SPTA1: variants seen among roughly 807,000 people sequenced by gnomAD.
SPTA1 encodes the protein spectrin alpha chain, erythrocytic 1.
A neutral mutation model predicts 324.7 loss-of-function variants in SPTA1; 177 were observed. The observed-to-expected ratio is 0.55, with a 90% CI of 0.48 to 0.62. SPTA1 has a LOEUF of 0.62. SPTA1 is among the 20% of genes least tolerant of loss of function. The pLI is 0.00. For missense variants in SPTA1, 3,162 were observed against 2,883.6 expected (o/e 1.10, Z -2.21); for synonymous variants, 1,195 against 1,041.3 (o/e 1.15, Z -2.84).
chr1:158,624,768 A>C (rs774681804), intron 42 of SPTA1, among the ~76,000 whole-genome samples: 5 of 152,234 alleles, frequency 3.3e-5, no homozygotes, highest in Non-Finnish European at 5.9e-5. Flanking sequence ...TATAGGGCAC[A>C]AGTCTAGAAG....
Position 158,668,026 on chromosome 1 carries a change from G to C in SPTA1, c.1870C>G (p.Gln624Glu), listed in dbSNP as rs756701645. Reference sequence around the variant, plus strand: ...ACTGCCAACTCCTTTTCAAAGACTTGCTGCTTTTGAACCCTGCTCTTCAAG... The same window carrying C: ...ACTGCCAACTCCTTTTCAAAGACTTCCTGCTTTTGAACCCTGCTCTTCAAG... ...QNLKSRVQKQ[Q>E]VFEKELAVNK... Residue 624 changes from glutamine (Q) to glutamate (E), a missense_variant, in exon 15 of 52, where the codon CAA becomes GAA. Physicochemically the swap from Gln to Glu is conservative, Grantham distance 29. Coordinates refer to ENST00000643759, the MANE Select transcript of SPTA1 (RefSeq NM_003126.4). 3.7e-6 allele frequency: 6 copies of C among 1,611,648 alleles called. No individual in the cohort carries two copies. Among genetic ancestry groups the C allele is most frequent in the East Asian group, 4.5e-5 (2 of 44,798 alleles).
chr1:158,614,367 C>A (rs920057416), intron 48 of SPTA1, 61 bp from the exon 49 acceptor site: 3 of 1,169,266 alleles, frequency 2.6e-6, no homozygotes. Flanking sequence ...TAGCAGAACA[C>A]AAGCCACATG....
At chr1:158,670,058 T>C (rs187264785) in intron 12 of SPTA1, among the ~76,000 whole-genome samples, 92 of 152,350 alleles carry the variant, frequency 6.0e-4, no homozygotes, top group Admixed American at 1.3e-3. Flanking sequence ...ATGATTGATT[T>C]ATTCTTGTCT....
At chr1:158,620,626 T>G (rs965907772) in intron 43 of SPTA1, 160 bp from the exon 44 acceptor site, 20 of 823,274 alleles carry the variant, frequency 2.4e-5, no homozygotes, top group Non-Finnish European at 3.7e-6. Flanking sequence ...CTTTGATGGT[T>G]GAACATGTGA....
intron 17 of SPTA1, among the ~76,000 whole-genome samples, 159 bp downstream of exon 17, chr1:158,662,543 T>A (rs952615921): frequency 2.0e-5 from 3 of 152,222 alleles, no homozygotes; most frequent in African/African-American, 7.2e-5. Context: ...GTATAATTTT[T>A]AAAAATATTT....
chr1:158,657,287 G>A (rs536227957), intron 19 of SPTA1, among the ~76,000 whole-genome samples, 190 bp downstream of exon 19: 3 of 152,300 alleles, frequency 2.0e-5, no homozygotes, highest in Non-Finnish European at 4.4e-5. Context: ...TGAGAAAAAT[G>A]TAGCATATCT....
At chr1:158,672,037 T>C in intron 11 of SPTA1, 22 bp downstream of exon 11, 4 of 1,613,544 alleles carry the variant, frequency 2.5e-6, no homozygotes, top group Non-Finnish European at 2.5e-6. Context: ...CTTCTAGAGA[T>C]GGTATGGACC....
chr1:158,669,671 T>C, intron 13 of SPTA1, 38 bp downstream of exon 13: 2 of 1,614,014 alleles, frequency 1.2e-6, no homozygotes, highest in Non-Finnish European at 1.7e-6. Context: ...TTGATTCTAG[T>C]GTGTAGGCAC....
At chr1:158,639,384 T>C in intron 35 of SPTA1, 198 bp downstream of exon 35, 1 of 624,888 alleles carries the variant, frequency 1.6e-6, no homozygotes, top group South Asian at 1.9e-5. Context: ...GTCTATAGTT[T>C]AGGGATAATT....
Position 158,680,728 on chromosome 1 carries a change from T to C in SPTA1, c.533A>G (p.Glu178Gly). The C allele has an allele frequency of 1.2e-6, 2 of 1,613,628 alleles. No individual in the cohort carries two copies. ...ADILEWIGDK[E>G]AIATSVELGE... ...TAGCTCCACTGATGTCGCTATAGCCTCCTGTAGACACAGAAGTTGATTGAG... is the reference window on the plus strand; with the variant it reads ...TAGCTCCACTGATGTCGCTATAGCCCCCTGTAGACACAGAAGTTGATTGAG... The change falls in exon 5 of 52, where the codon GAG becomes GGG. Residue 178 changes from glutamate (E) to glycine (G), a missense_variant and splice_region_variant. Glu to Gly is a moderately conservative substitution (Grantham distance 98, BLOSUM62 -2). Transcript: ENST00000643759.
intron 39 of SPTA1, among the ~76,000 whole-genome samples, chr1:158,633,607 GC>G: frequency 6.8e-6 from 1 of 146,176 alleles, no homozygotes; most frequent in East Asian, 2.0e-4. Context: ...CTTGCAGTGA[GC>G]CAAGATCACT....
intron 8 of SPTA1, 39 bp from the exon 9 acceptor site, chr1:158,674,714 C>A (rs372349596): frequency 1.2e-6 from 2 of 1,610,636 alleles, no homozygotes; most frequent in Non-Finnish European, 1.7e-6. Context: ...AAGGAGAAAC[C>A]AGATATGAAA....
chr1:158,629,835 G>A (rs1012415123), intron 39 of SPTA1, among the ~76,000 whole-genome samples: 5 of 151,104 alleles, frequency 3.3e-5, no homozygotes, highest in South Asian at 2.1e-4. Flanking sequence ...CATAAAAGTC[G>A]GTTTAGAAAT....
At position 158,677,710 on chromosome 1, in the gene SPTA1, G is replaced by T; in HGVS notation, c.937C>A (p.Leu313Ile). 6.2e-7 allele frequency: 1 copy of T among 1,613,480 alleles called. No individual in the cohort carries two copies. The highest frequency in any genetic ancestry group is 8.5e-7 in the Non-Finnish European group (1 of 1,179,688). The change falls in exon 7 of 52, where the codon CTT (leucine) becomes ATT (isoleucine). Residue 313 changes from leucine to isoleucine, a missense_variant. Transcript: ENST00000643759. ...ATTACCTTGTCACTCATGACAGCAAGATTTCTCTCAAGTCCCTTGTGACTG... is the reference window on the plus strand; with the variant it reads ...ATTACCTTGTCACTCATGACAGCAATATTTCTCTCAAGTCCCTTGTGACTG... ...FHSHKGLERN[L>I]AVMSDKVKEL... is the part of the protein sequence containing the mutation.
chr1:158,680,780 GTAGGTCAAAAACTCAAAACTCCTGC>G (rs1557994161), intron 4 of SPTA1, 51 bp from the exon 5 acceptor site: 1 of 1,609,666 alleles, frequency 6.2e-7, no homozygotes, highest in Non-Finnish European at 8.5e-7. Flanking sequence ...AGGAGTTTCT[GTAGGTCAAAAACTCAAAACTCCTGC>G]TTGCATTCCC....
At chr1:158,681,722 A>G in intron 3 of SPTA1, 55 bp from the exon 4 acceptor site, 1 of 1,611,072 alleles carries the variant, frequency 6.2e-7, no homozygotes, top group Non-Finnish European at 8.5e-7. Flanking sequence ...GCAGGGAAAC[A>G]CTCAGAGACT....
chr1:158,671,214 A>T, intron 12 of SPTA1, 129 bp downstream of exon 12: 1 of 712,720 alleles, frequency 1.4e-6, no homozygotes, highest in Non-Finnish European at 2.5e-6. Flanking sequence ...GAAGAGATGC[A>T]ACTTGATTAG....
At chr1:158,661,994 C>T (rs1653251732) in intron 17 of SPTA1, among the ~76,000 whole-genome samples, 1 of 152,204 alleles carries the variant, frequency 6.6e-6, no homozygotes, top group Admixed American at 6.5e-5. Flanking sequence ...GCTTTATCCT[C>T]CCTGTATCCT....
Position 158,617,600 on chromosome 1 carries a change from C to T in SPTA1, c.6549-12G>A, listed in dbSNP as rs857716. On this transcript the variant is annotated splice_polypyrimidine_tract_variant and intron_variant, in intron 46 of 51. Coordinates refer to ENST00000643759, the MANE Select transcript of SPTA1 (RefSeq NM_003126.4). ...CTTTGAGCAATGATCTAGTTAAGAA[C>T]CGAAGGAAATCATTATGCATCACAT... 0.54 allele frequency: 864,221 copies of T among 1,603,432 alleles called. 236,032 individuals carry two copies. The highest frequency in any genetic ancestry group is 0.61 in the East Asian group (27,245 of 44,792).
Sources: gnomAD v4.1 joint callset for allele counts (sites outside exome capture counted in the v4.1 genomes callset) on GRCh38, gnomAD v4.1.1 for gene constraint, MANE v1.5 for transcripts, NCBI Gene and HGNC (gene_info 2026-07-23, HGNC 2026-07-21) for gene names.